RIC1: variants seen among roughly 807,000 people sequenced by gnomAD.
RIC1 encodes guanine nucleotide exchange factor subunit RIC1.
Under a neutral mutation model 169.0 loss-of-function variants are expected in RIC1, and 88 were observed. The observed-to-expected ratio is 0.52, with a 90% CI of 0.44 to 0.62. The LOEUF is 0.62. Among genes scored for constraint, RIC1 ranks in the 20% least tolerant of loss-of-function variants. The pLI, the probability that RIC1 is intolerant of heterozygous loss-of-function variation, is 0.00. For missense variants in RIC1, 1,877 were observed against 1,725.5 expected (o/e 1.09, Z -1.56); for synonymous variants, 790 against 601.5 (o/e 1.31, Z -4.59).
chr9:5,694,796 CTT>C (rs35762013), intron 3 of RIC1, among the ~76,000 whole-genome samples: 2 of 143,590 alleles, frequency 1.4e-5, no homozygotes, highest in Non-Finnish European at 1.5e-5. Context: ...TTTTTGGTGG[CTT>C]TTTTTTTTTT....
At chr9:5,726,361 T>G (rs200129813) in intron 6 of RIC1, among the ~76,000 whole-genome samples, 7 of 152,278 alleles carry the variant, frequency 4.6e-5, no homozygotes, top group Middle Eastern at 3.4e-3. Context: ...TTTTATCAGA[T>G]ACTAGGATTG....
At chr9:5,670,124 TG>T (rs1820005043) in intron 2 of RIC1, among the ~76,000 whole-genome samples, 1 of 152,244 alleles carries the variant, frequency 6.6e-6, no homozygotes, top group Admixed American at 6.5e-5. Context: ...TTACTTTGCC[TG>T]TATGAAGTTT....
At chr9:5,633,283 G>A (rs149016069) in intron 1 of RIC1, among the ~76,000 whole-genome samples, 1 of 152,122 alleles carries the variant, frequency 6.6e-6, no homozygotes, top group East Asian at 1.9e-4. Flanking sequence ...TATTTTCCCA[G>A]CATTCCCATT....
rs149872174 is a variant in RIC1 at position 5,646,918 on chromosome 9, C to T, written c.145-9665C>T. ...TCATGAAGTTTTTGGCTTGTGTTTT[C>T]TTCTAAGAGTTTTATAGGGTGAGGT... On this transcript the variant is annotated intron_variant, in intron 1 of 25. Transcript: ENST00000414202. Among the ~76,000 whole-genome samples the T allele has an allele frequency of 1.3e-3, 205 of 152,048 alleles. 1 individual carries two copies. The highest frequency in any genetic ancestry group is 4.7e-3 in the African/African-American group (195 of 41,482).
At chr9:5,745,585 TG>T (rs1223529150) in intron 10 of RIC1, among the ~76,000 whole-genome samples, 1 of 152,162 alleles carries the variant, frequency 6.6e-6, no homozygotes, top group African/African-American at 2.4e-5. Context: ...GGGTGTCTTC[TG>T]TAAGGAATTT....
At chr9:5,683,488 C>A (rs574534893) in intron 2 of RIC1, among the ~76,000 whole-genome samples, 1 of 152,174 alleles carries the variant, frequency 6.6e-6, no homozygotes, top group Non-Finnish European at 1.5e-5. Flanking sequence ...AATGCTGCTG[C>A]CTGATCGTTG....
intron 2 of RIC1, among the ~76,000 whole-genome samples, chr9:5,671,330 C>G (rs749322558): frequency 6.7e-6 from 1 of 149,158 alleles, no homozygotes; most frequent in Non-Finnish European, 1.5e-5. Context: ...AGTGGAGTGG[C>G]GCAGCGCAAT....
At chr9:5,650,314 T>C (rs540667413) in intron 1 of RIC1, among the ~76,000 whole-genome samples, 1 of 151,472 alleles carries the variant, frequency 6.6e-6, no homozygotes, top group East Asian at 2.0e-4. Context: ...CCTGTAGGAG[T>C]GCGTATGTGT....
intron 7 of RIC1, among the ~76,000 whole-genome samples, chr9:5,736,843 G>A (rs1824742018): frequency 6.6e-6 from 1 of 152,132 alleles, no homozygotes; most frequent in African/African-American, 2.4e-5. Flanking sequence ...CAGAGTATCA[G>A]TAAGCTGTGG....
chr9:5,714,172 G>A (rs550157843), intron 4 of RIC1, among the ~76,000 whole-genome samples, 169 bp downstream of exon 4: 2 of 152,076 alleles, frequency 1.3e-5, no homozygotes, highest in African/African-American at 4.8e-5. Context: ...TTTACAGATG[G>A]CACTTAATAC....
At chr9:5,735,180 A>G (rs1365829447) in intron 7 of RIC1, among the ~76,000 whole-genome samples, 2 of 152,128 alleles carry the variant, frequency 1.3e-5, no homozygotes, top group East Asian at 1.9e-4. Flanking sequence ...AATATCCTGC[A>G]TCCTAGATTT....
chr9:5,695,515 C>T (rs528325322), intron 3 of RIC1, among the ~76,000 whole-genome samples: 2 of 151,808 alleles, frequency 1.3e-5, no homozygotes, highest in Non-Finnish European at 2.9e-5. Flanking sequence ...TCGTAATTCC[C>T]AATGACACTA....
intron 1 of RIC1, among the ~76,000 whole-genome samples, chr9:5,645,687 A>G (rs756343411): frequency 6.6e-6 from 1 of 152,194 alleles, no homozygotes; most frequent in Non-Finnish European, 1.5e-5. Context: ...TGCACTCAGC[A>G]TGTCTTAAGT....
chr9:5,757,534 C>T (rs1826081009), intron 17 of RIC1, 83 bp downstream of exon 17: 2 of 1,406,684 alleles, frequency 1.4e-6, no homozygotes, highest in Non-Finnish European at 2.0e-6. Context: ...ATTTGTTTGG[C>T]AAATAAATAC....
intron 2 of RIC1, among the ~76,000 whole-genome samples, chr9:5,678,792 G>A (rs1820618286): frequency 6.6e-6 from 1 of 152,102 alleles, no homozygotes; most frequent in Non-Finnish European, 1.5e-5. Flanking sequence ...CATTCTGTAG[G>A]TTGCCTGTTC....
At position 5,769,126 on chromosome 9, in the gene RIC1, T is replaced by C. The variant is rs767350707; in HGVS notation, c.3294T>C (p.Arg1098=). The C allele has an allele frequency of 8.7e-6, 14 of 1,614,048 alleles. No homozygotes were observed. In the African/African-American group the frequency reaches 9.3e-5, roughly 11 times the overall value. ...TAATTAGTTGGCTATGCAAGGAACGTACCCGAGCCGCCCGGGTAGACAACT... is the reference window on the plus strand; with the variant it reads ...TAATTAGTTGGCTATGCAAGGAACGCACCCGAGCCGCCCGGGTAGACAACT... The part of the protein sequence containing the change: ...FELISWLCKE[R]TRAARVDNFV... The change falls in exon 22 of 26, where the codon CGT becomes CGC. Residue 1098 remains arginine, a synonymous_variant. Coordinates refer to ENST00000414202, the MANE Select transcript of RIC1 (RefSeq NM_020829.4).
intron 2 of RIC1, among the ~76,000 whole-genome samples, chr9:5,659,253 A>G (rs961640393): frequency 1.3e-5 from 2 of 152,008 alleles, no homozygotes; most frequent in Non-Finnish European, 2.9e-5. Context: ...TTTCATTGTT[A>G]TATATGTCTG....
chr9:5,698,070 C>G (rs922924938), intron 3 of RIC1, among the ~76,000 whole-genome samples: 16 of 152,122 alleles, frequency 1.1e-4, no homozygotes. Context: ...AGTTTCTGTT[C>G]CCCCACACCC....
intron 3 of RIC1, among the ~76,000 whole-genome samples, chr9:5,709,010 G>A (rs559640968): frequency 9.2e-5 from 14 of 151,888 alleles, no homozygotes; most frequent in African/African-American, 3.4e-4. Flanking sequence ...GAGTTTTACA[G>A]GACAAAAATC....
Sources: gnomAD v4.1 joint callset for allele counts (sites outside exome capture counted in the v4.1 genomes callset) on GRCh38, gnomAD v4.1.1 for gene constraint, MANE v1.5 for transcripts, NCBI Gene and HGNC (gene_info 2026-07-23, HGNC 2026-07-21) for gene names.